Variants in DCDC1 observed in about 807,000 individuals in gnomAD.
DCDC1 encodes the protein doublecortin domain-containing protein 1.
Under a neutral mutation model 178.3 loss-of-function variants are expected in DCDC1, and 200 were observed. That is an observed-to-expected ratio of 1.12 (90% CI 1.00 to 1.26). The LOEUF is 1.26. Among genes scored for constraint, DCDC1 ranks in the 50% most tolerant of loss-of-function variants. The probability of loss-of-function intolerance (pLI) is 0.00; values close to 1 mark genes in which losing one functional copy is unlikely to be tolerated. For synonymous variants in DCDC1, 690 were observed against 604.8 expected (o/e 1.14, Z -2.07); for missense variants, 1,983 against 1,749.2 (o/e 1.13, Z -2.38).
chr11:30,957,564 A>C (rs1160533678), intron 20 of DCDC1, among the ~76,000 whole-genome samples: 1 of 152,212 alleles, frequency 6.6e-6, no homozygotes, highest in Non-Finnish European at 1.5e-5. Flanking sequence ...TTCTGTGTTA[A>C]GTCTCTGGTA....
intron 6 of DCDC1, among the ~76,000 whole-genome samples, chr11:31,294,597 TGGGGAGGGGA>T (rs1325011380): frequency 2.4e-4 from 11 of 45,036 alleles, no homozygotes; most frequent in East Asian, 1.8e-3. Flanking sequence ...AGGAAAGGGA[TGGGGAGGGGA>T]GGGGAGGGGA....
At chr11:31,161,495 T>C (rs1048415650) in intron 9 of DCDC1, among the ~76,000 whole-genome samples, 10 of 152,194 alleles carry the variant, frequency 6.6e-5, no homozygotes, top group Non-Finnish European at 1.2e-4. Flanking sequence ...CTTTGTTGAA[T>C]GGCTCTCTGA....
At position 30,906,565 on chromosome 11, in the gene DCDC1, G is replaced by A. The variant is rs2134146917; in HGVS notation, c.4079C>T (p.Pro1360Leu). 6.2e-7 allele frequency: 1 copy of A among 1,613,046 alleles called. No individual in the cohort carries two copies. The highest frequency in any genetic ancestry group is 8.5e-7 in the Non-Finnish European group (1 of 1,179,496). Residue 1360 changes from proline to leucine, a missense_variant, in exon 30 of 39, where the codon CCC (proline) becomes CTC (leucine). Transcript: ENST00000684477. Reference protein sequence around the residue: ...TKTQKPFLQGPFKVISVAEVD... With the variant: ...TKTQKPFLQGLFKVISVAEVD... The stretch of plus-strand genomic sequence containing the variant: ...CTCAGCCACACTGATGACCTTGAAG[G>A]GCCCTTGTAAGAAGGGCTTCTGAGT...
At chr11:31,176,622 G>C (rs1968064561) in intron 9 of DCDC1, among the ~76,000 whole-genome samples, 1 of 152,024 alleles carries the variant, frequency 6.6e-6, no homozygotes, top group African/African-American at 2.4e-5. Context: ...AAACATCAAA[G>C]ACAAGGAGAG....
chr11:30,945,213 C>T (rs934233247), intron 21 of DCDC1, among the ~76,000 whole-genome samples: 4 of 151,662 alleles, frequency 2.6e-5, no homozygotes, highest in African/African-American at 7.3e-5. Context: ...ATGATCTGCC[C>T]GCCTCAGCCT....
At chr11:31,236,121 C>T (rs776907023) in intron 9 of DCDC1, among the ~76,000 whole-genome samples, 1 of 151,950 alleles carries the variant, frequency 6.6e-6, no homozygotes, top group Non-Finnish European at 1.5e-5. Context: ...ATGAAATGTT[C>T]CATGAAGATA....
chr11:31,238,187 A>C (rs1976677739), intron 9 of DCDC1, among the ~76,000 whole-genome samples: 1 of 152,100 alleles, frequency 6.6e-6, no homozygotes. Flanking sequence ...ATTTTCAGAA[A>C]TGAGTGTTTC....
intron 26 of DCDC1, among the ~76,000 whole-genome samples, chr11:30,916,255 A>T (rs1200703247): frequency 6.6e-6 from 1 of 152,214 alleles, no homozygotes; most frequent in Non-Finnish European, 1.5e-5. Flanking sequence ...AAGCAGAAGT[A>T]ACATATTACA....
At chr11:30,952,736 T>C (rs1948507544) in intron 20 of DCDC1, among the ~76,000 whole-genome samples, 168 bp from the exon 21 acceptor site, 1 of 152,106 alleles carries the variant, frequency 6.6e-6, no homozygotes, top group Non-Finnish European at 1.5e-5. Context: ...TGAGAGTAAC[T>C]TACTAAAAAA....
chr11:31,064,425 C>A (rs755457633), intron 20 of DCDC1, 44 bp downstream of exon 20: 29 of 673,336 alleles, frequency 4.3e-5, no homozygotes, highest in Non-Finnish European at 7.6e-5. Flanking sequence ...AGGAAAATAT[C>A]GAATGTCATT....
At chr11:31,292,665 G>A (rs1947317035) in intron 6 of DCDC1, among the ~76,000 whole-genome samples, 1 of 151,930 alleles carries the variant, frequency 6.6e-6, no homozygotes, top group Admixed American at 6.6e-5. Flanking sequence ...TTGAAATGAT[G>A]GAAATATTTT....
intron 9 of DCDC1, among the ~76,000 whole-genome samples, chr11:31,175,926 T>C (rs1490204270): frequency 6.6e-6 from 1 of 152,046 alleles, no homozygotes; most frequent in Non-Finnish European, 1.5e-5. Flanking sequence ...AGGTACATCA[T>C]AAAATTTGAA....
At chr11:30,869,036 C>T (rs939623639) in intron 38 of DCDC1, among the ~76,000 whole-genome samples, 3 of 152,224 alleles carry the variant, frequency 2.0e-5, no homozygotes, top group Non-Finnish European at 2.9e-5. Context: ...CAAATCATCA[C>T]GCTTGTGAAA....
At chr11:31,303,857 A>G (rs1185586625) in intron 6 of DCDC1, among the ~76,000 whole-genome samples, 1 of 152,160 alleles carries the variant, frequency 6.6e-6, no homozygotes, top group African/African-American at 2.4e-5. Context: ...TGTCCCAGCA[A>G]CAACTGTCGA....
intron 15 of DCDC1, among the ~76,000 whole-genome samples, chr11:31,097,688 A>C (rs1213160955): frequency 2.0e-5 from 3 of 152,242 alleles, no homozygotes; most frequent in African/African-American, 7.2e-5. Context: ...TGAATATAAG[A>C]GAAGGACTTG....
intron 9 of DCDC1, among the ~76,000 whole-genome samples, chr11:31,173,771 C>A (rs1270643680): frequency 6.7e-6 from 1 of 149,418 alleles, no homozygotes; most frequent in Non-Finnish European, 1.5e-5. Context: ...CACACACACA[C>A]CCCCACATCT....
intron 9 of DCDC1, among the ~76,000 whole-genome samples, chr11:31,225,216 T>C (rs1262633498): frequency 1.3e-5 from 2 of 152,140 alleles, no homozygotes; most frequent in Non-Finnish European, 2.9e-5. Flanking sequence ...TGCAGCAACT[T>C]GAATGGAGCT....
chr11:31,060,722 C>T (rs1052585108), intron 20 of DCDC1, among the ~76,000 whole-genome samples: 1 of 151,822 alleles, frequency 6.6e-6, no homozygotes, highest in African/African-American at 2.4e-5. Flanking sequence ...TGGGAAATAA[C>T]TAAATATTTA....
intron 9 of DCDC1, among the ~76,000 whole-genome samples, chr11:31,144,282 G>A (rs776138231): frequency 6.6e-5 from 10 of 151,820 alleles, no homozygotes; most frequent in East Asian, 1.9e-4. Flanking sequence ...CTACAGGCGC[G>A]TGCCACCACG....
Sources: allele counts gnomAD v4.1 joint callset (sites outside exome capture counted in the v4.1 genomes callset), GRCh38; gene constraint gnomAD v4.1.1; transcripts MANE v1.5; gene names NCBI Gene and HGNC (gene_info 2026-07-23, HGNC 2026-07-21).